Variants in TLE2 observed in about 807,000 individuals in gnomAD.
TLE2 encodes the protein transducin-like enhancer protein 2.
TLE2 carries 74 observed loss-of-function variants against 97.2 expected under a neutral mutation model. The observed-to-expected ratio is 0.76, with a 90% CI of 0.63 to 0.92. The LOEUF (loss-of-function observed/expected upper bound fraction) is 0.92. Among genes scored for constraint, TLE2 ranks in the 40% least tolerant of loss-of-function variants. The probability of loss-of-function intolerance (pLI) is 0.00; values close to 1 mark genes in which losing one functional copy is unlikely to be tolerated. For synonymous variants in TLE2, 499 were observed against 432.1 expected, an observed-to-expected ratio of 1.15 and a Z score of -1.92; for missense variants, 1,038 against 1,008.7, an observed-to-expected ratio of 1.03 and a Z score of -0.39.
upstream of TLE2, among the ~76,000 whole-genome samples, chr19:3,032,648 C>T (rs1185774960): frequency 1.3e-5 from 2 of 152,092 alleles, no homozygotes; most frequent in African/African-American, 2.4e-5. The surrounding 1 kb of genome is among the most constrained non-coding windows in gnomAD (Gnocchi z 4.1). Flanking sequence ...TAGGTCTCTG[C>T]GGGGCCTGGC....
intron 4 of TLE2, among the ~76,000 whole-genome samples, chr19:3,026,935 G>T (rs2089956637): frequency 6.7e-6 from 1 of 149,988 alleles, no homozygotes; most frequent in Non-Finnish European, 1.5e-5. Flanking sequence ...GGACCTTGAG[G>T]TCTATCTCAG....
intron 15 of TLE2, 62 bp downstream of exon 15, chr19:3,006,358 A>C (rs2089477437): frequency 6.4e-7 from 1 of 1,566,608 alleles, no homozygotes; most frequent in Admixed American, 1.7e-5. Flanking sequence ...ACACCGCCCC[A>C]TTGGAACATA....
intron 4 of TLE2, among the ~76,000 whole-genome samples, chr19:3,026,506 G>C (rs1568249532): frequency 6.8e-6 from 1 of 146,430 alleles, no homozygotes; most frequent in South Asian, 2.2e-4. Flanking sequence ...AGAACCTTGA[G>C]ATCAGAAGTT....
At position 3,028,862 on chromosome 19, in the gene TLE2, C is replaced by A; in HGVS notation, c.24+19G>T. The A allele has an allele frequency of 6.2e-7, 1 of 1,611,706 alleles. No individual in the cohort carries two copies. Among genetic ancestry groups the A allele is most frequent in the Non-Finnish European group, 8.5e-7 (1 of 1,179,780 alleles). On this transcript the variant is annotated intron_variant, in intron 1 of 19. Coordinates refer to ENST00000262953, the MANE Select transcript of TLE2 (RefSeq NM_003260.5). ...AGTTCCCGGACACTGGGGGCCCCCT[C>A]CCCGCAGTCCGCACTCACCGGGTGC... is the stretch of plus-strand genomic sequence containing the variant.
intron 19 of TLE2, among the ~76,000 whole-genome samples, chr19:2,999,765 G>T (rs943381184): frequency 4.0e-5 from 6 of 149,528 alleles, no homozygotes; most frequent in Non-Finnish European, 8.9e-5. Flanking sequence ...GGGCGCAGTG[G>T]CTCACGCCTG....
At chr19:3,013,609 T>A in intron 11 of TLE2, 60 bp downstream of exon 11, 1 of 1,315,460 alleles carries the variant, frequency 7.6e-7, no homozygotes. Context: ...TGGGGTAGCG[T>A]CTGCTTCGGG....
At chr19:3,006,298 C>T (rs1316695329) in intron 15 of TLE2, 122 bp downstream of exon 15, 22 of 1,437,350 alleles carry the variant, frequency 1.5e-5, no homozygotes, top group Non-Finnish European at 2.1e-5. Context: ...CCGCCCCTCA[C>T]CTATAAGCCC....
rs987787923 is a variant in TLE2, at chr19:3,028,048, G to A, written c.187-175C>T. On this transcript the variant is annotated intron_variant, in intron 3 of 19. Coordinates refer to ENST00000262953, the MANE Select transcript of TLE2 (RefSeq NM_003260.5). ...AGGAAGCGGGGGCTCTGCCTGGAAG[G>A]GCCCCCTCTACTCTCCCCAGAGAGG... 8.9e-4 allele frequency among the ~76,000 whole-genome samples: 136 copies of A among 152,150 alleles called. 3 individuals are homozygous for A. The highest frequency in any genetic ancestry group is 4.0e-4 in the Non-Finnish European group (27 of 67,972).
At chr19:2,998,237 A>ATGTGTGTGTGTGTGTGTGTGTGTGTGTG (rs56398458) in intron 19 of TLE2, among the ~76,000 whole-genome samples, 1 of 121,406 alleles carries the variant, frequency 8.2e-6, no homozygotes, top group African/African-American at 3.5e-5. Flanking sequence ...CGCCCGGCCA[A>ATGTGTGTGTGTGTGTGTGTGTGTGTGTG]TGTGTGTGTG....
chr19:3,015,682 C>G lies in TLE2; in HGVS notation c.649G>C (p.Ala217Pro). The change falls in exon 9 of 20, where the codon GCA becomes CCA. Residue 217 changes from alanine to proline, a missense_variant. Coordinates refer to ENST00000262953, the MANE Select transcript of TLE2 (RefSeq NM_003260.5). ...GGTCCTGATGGCTCCTTCTCATCTG[C>G]TCTCTGCTTCCCGCCACCACCAGGG... ...SGPGGGGKQRADEKEPSGPYE... is the reference protein window; with the variant it reads ...SGPGGGGKQRPDEKEPSGPYE... 1 of 1,611,080 alleles carries G rather than the reference C, an allele frequency of 6.2e-7. No individual in the cohort carries two copies. The highest frequency in any genetic ancestry group is 1.1e-5 in the South Asian group (1 of 90,442).
At chr19:3,014,641 A>C in intron 9 of TLE2, 27 bp from the exon 10 acceptor site, 4 of 1,574,922 alleles carry the variant, frequency 2.5e-6, no homozygotes, top group Non-Finnish European at 3.4e-6. Context: ...GAGAGAGCTC[A>C]TTGTGGTCAT....
chr19:3,043,217 G>A (rs956915961), intron 1 of TLE2, among the ~76,000 whole-genome samples: 58 of 151,846 alleles, frequency 3.8e-4, no homozygotes, highest in Non-Finnish European at 2.6e-4. Context: ...CGAGGCTCAA[G>A]CAATCCTCCC....
At chr19:3,024,896 G>T in intron 5 of TLE2, 124 bp downstream of exon 5, 1 of 811,948 alleles carries the variant, frequency 1.2e-6, no homozygotes, top group Non-Finnish European at 2.0e-6. Flanking sequence ...AGTGAAAATG[G>T]TCTCTATCCG....
chr19:3,022,483 C>A (rs1035152359), intron 5 of TLE2, among the ~76,000 whole-genome samples: 1 of 150,518 alleles, frequency 6.6e-6, no homozygotes, highest in African/African-American at 2.4e-5. Context: ...GAGCTGAGAT[C>A]GTGCCATTGC....
In TLE2 at chr19:3,029,063, G is replaced by A. The variant is rs1252150787; in HGVS notation, c.-159C>T. ...CAAGGGACCCTGGAGTCCCTGGCGC[G>A]CCCCCAAGCGCGCGCGCCCGGGGTC... On this transcript the variant is annotated 5_prime_UTR_variant, in exon 1 of 20. Transcript: ENST00000262953. The A allele has an allele frequency of 2.9e-5, 38 of 1,320,470 alleles. No individual in the cohort carries two copies. The highest frequency in any genetic ancestry group is 3.6e-5 in the Non-Finnish European group (37 of 1,033,226). The allele number at this position is 1,320,470 out of a possible 1,614,324, so 81.8% of individuals were successfully genotyped here.
At chr19:3,041,013 ATTTTTTTTT>A (rs1168699418) in intron 1 of TLE2, among the ~76,000 whole-genome samples, 58 of 28,928 alleles carry the variant, frequency 2.0e-3, no homozygotes, top group Non-Finnish European at 2.7e-3. Flanking sequence ...ATATATATAT[ATTTTTTTTT>A]TTTTTTTTTT....
At position 3,011,113 on chromosome 19, in the gene TLE2, G is replaced by C; in HGVS notation, c.921C>G (p.Ser307=). The change falls in exon 12 of 20, where the codon TCC becomes TCG. Residue 307 remains serine, a synonymous_variant. Coordinates refer to ENST00000262953, the MANE Select transcript of TLE2 (RefSeq NM_003260.5). ...CGGGGGTGGAAGCGTCCTGGGGCGG[G>C]GAGGAGTCACAGGATTTGGAGGCAG... ...STPASKSCDS[S]PPQDASTPGP... 6.2e-7 allele frequency: 1 copy of C among 1,610,984 alleles called. No individual in the cohort carries two copies. Among genetic ancestry groups the C allele is most frequent in the South Asian group, 1.1e-5 (1 of 90,672 alleles).
upstream of TLE2, among the ~76,000 whole-genome samples, chr19:3,034,131 A>C (rs926436250): frequency 4.0e-5 from 6 of 151,294 alleles, no homozygotes; most frequent in African/African-American, 1.5e-4. Context: ...GTTCCCACAC[A>C]CATCCCCCAG....
chr19:3,018,837 C>G (rs1473306253), intron 7 of TLE2, among the ~76,000 whole-genome samples: 1 of 152,084 alleles, frequency 6.6e-6, no homozygotes, highest in African/African-American at 2.4e-5. Context: ...AGGCTGCTCT[C>G]GAACTCCTGG....
Sources: allele counts gnomAD v4.1 joint callset (sites outside exome capture counted in the v4.1 genomes callset), GRCh38; gene constraint gnomAD v4.1.1; non-coding constraint Gnocchi (gnomAD v3.1); transcripts MANE v1.5; gene names NCBI Gene and HGNC (gene_info 2026-07-23, HGNC 2026-07-21).